CCSER1: variants seen among roughly 807,000 people sequenced by gnomAD.
The protein encoded by CCSER1 is serine-rich coiled-coil domain-containing protein 1.
A neutral mutation model predicts 82.0 loss-of-function variants in CCSER1; 41 were observed. The ratio of observed to expected loss-of-function variants is 0.50; its 90% CI spans 0.39 to 0.65. CCSER1 has a LOEUF of 0.65. CCSER1 is among the 30% of genes least tolerant of loss of function. The probability of loss-of-function intolerance (pLI) is 0.00; values close to 1 mark genes in which losing one functional copy is unlikely to be tolerated. For missense variants in CCSER1, 1,119 were observed against 1,064.2 expected (o/e 1.05, Z -0.72); for synonymous variants, 414 against 383.9 (o/e 1.08, Z -0.92).
intron 9 of CCSER1, among the ~76,000 whole-genome samples, chr4:91,014,696 A>T (rs546558220): frequency 2.6e-4 from 39 of 152,330 alleles, no homozygotes; most frequent in African/African-American, 9.4e-4. Flanking sequence ...ACATTCAAAA[A>T]TATTAATAGA....
At chr4:91,172,178 G>GT (rs573846571) in intron 10 of CCSER1, among the ~76,000 whole-genome samples, 17 of 152,228 alleles carry the variant, frequency 1.1e-4, no homozygotes, top group Non-Finnish European at 7.4e-5. Context: ...ATAAATGGGA[G>GT]TTTAGAAATC....
chr4:91,470,198 A>T (rs148558640), intron 10 of CCSER1, among the ~76,000 whole-genome samples: 251 of 152,296 alleles, frequency 1.6e-3, no homozygotes, highest in Middle Eastern at 0.01. Flanking sequence ...GTTGAATTTG[A>T]AGTGAAGTTA....
intron 6 of CCSER1, among the ~76,000 whole-genome samples, chr4:90,697,492 G>A (rs1167184865): frequency 1.3e-5 from 2 of 151,900 alleles, no homozygotes; most frequent in Admixed American, 1.3e-4. Context: ...TCTTTGTCCA[G>A]ATCCTTACTT....
chr4:90,694,868 A>T, intron 6 of CCSER1, among the ~76,000 whole-genome samples: 1 of 151,448 alleles, frequency 6.6e-6, no homozygotes, highest in Non-Finnish European at 1.5e-5. Context: ...ATTCCTAAAA[A>T]GCTGGCTATG....
intron 1 of CCSER1, among the ~76,000 whole-genome samples, chr4:90,294,192 A>G (rs1731437261): frequency 6.6e-6 from 1 of 152,034 alleles, no homozygotes. Flanking sequence ...TAAAGTATAA[A>G]TTTTACTATT....
intron 3 of CCSER1, among the ~76,000 whole-genome samples, chr4:90,338,665 AC>A: frequency 6.6e-6 from 1 of 152,332 alleles, no homozygotes; most frequent in South Asian, 2.1e-4. Flanking sequence ...TTTCGTTTAT[AC>A]AAAAAATAAT....
intron 5 of CCSER1, among the ~76,000 whole-genome samples, chr4:90,492,904 T>C (rs1768293750): frequency 6.6e-6 from 1 of 152,124 alleles, no homozygotes; most frequent in African/African-American, 2.4e-5. Flanking sequence ...AAGCTTCTAT[T>C]CTTTTACATT....
intron 5 of CCSER1, among the ~76,000 whole-genome samples, chr4:90,511,186 A>G (rs1407165312): frequency 1.3e-5 from 2 of 152,082 alleles, no homozygotes. Flanking sequence ...TTGGGAGGCC[A>G]CGGCAAGCAG....
intron 9 of CCSER1, among the ~76,000 whole-genome samples, chr4:90,976,805 C>T (rs1735652159): frequency 6.6e-6 from 1 of 151,300 alleles, no homozygotes; most frequent in Non-Finnish European, 1.5e-5. Flanking sequence ...TTATTTTATC[C>T]ATAATATTTT....
chr4:90,830,984 C>A (rs1201701580), intron 8 of CCSER1, among the ~76,000 whole-genome samples: 1 of 151,980 alleles, frequency 6.6e-6, no homozygotes, highest in Non-Finnish European at 1.5e-5. Context: ...GCCTGTATTC[C>A]ACTTACTGTT....
intron 3 of CCSER1, among the ~76,000 whole-genome samples, chr4:90,373,528 C>T (rs1191050915): frequency 6.6e-6 from 1 of 152,166 alleles, no homozygotes; most frequent in Non-Finnish European, 1.5e-5. Flanking sequence ...AAACAATACT[C>T]TTCTATCAGA....
At chr4:90,217,559 T>C (rs1301085880) in intron 1 of CCSER1, among the ~76,000 whole-genome samples, 2 of 152,162 alleles carry the variant, frequency 1.3e-5, no homozygotes, top group Non-Finnish European at 2.9e-5. Flanking sequence ...GCTGACTTCT[T>C]CTTCTCCTAT....
chr4:91,346,336 T>G (rs1317021121), intron 10 of CCSER1, among the ~76,000 whole-genome samples: 2 of 152,134 alleles, frequency 1.3e-5, no homozygotes, highest in Non-Finnish European at 2.9e-5. Context: ...TATCATTGGA[T>G]GTATTATATT....
At chr4:90,464,720 T>A (rs1248027564) in intron 4 of CCSER1, among the ~76,000 whole-genome samples, 2 of 152,212 alleles carry the variant, frequency 1.3e-5, no homozygotes, top group Non-Finnish European at 2.9e-5. Flanking sequence ...GTATTATTGA[T>A]TTTTCAACCC....
chr4:90,670,305 A>G (rs1220327245), intron 6 of CCSER1, among the ~76,000 whole-genome samples: 7 of 152,100 alleles, frequency 4.6e-5, no homozygotes, highest in Non-Finnish European at 8.8e-5. Context: ...TCAGTTGCCC[A>G]TATTTATTGA....
intron 10 of CCSER1, among the ~76,000 whole-genome samples, chr4:91,358,610 C>T (rs1452110090): frequency 1.3e-5 from 2 of 152,112 alleles, no homozygotes; most frequent in Non-Finnish European, 2.9e-5. Context: ...AACAAGAGTG[C>T]CAATGCAGGC....
chr4:91,553,572 ATT>A (rs35414901), intron 10 of CCSER1, among the ~76,000 whole-genome samples: 10,608 of 149,816 alleles, frequency 0.071, 652 homozygotes, highest in South Asian at 0.16. Flanking sequence ...ACTTACGGGA[ATT>A]TTTTTTTTGT....
At chr4:90,774,680 G>A (rs1393339054) in intron 7 of CCSER1, among the ~76,000 whole-genome samples, 1 of 151,944 alleles carries the variant, frequency 6.6e-6, no homozygotes, top group Non-Finnish European at 1.5e-5. Context: ...AGTGCTGTTA[G>A]CCATACTGTC....
At chr4:90,941,741 G>A (rs920223258) in intron 9 of CCSER1, among the ~76,000 whole-genome samples, 5 of 151,910 alleles carry the variant, frequency 3.3e-5, no homozygotes, top group African/African-American at 4.8e-5. Flanking sequence ...TTATATGCTG[G>A]CACCTTGAAA....
Sources: allele counts gnomAD v4.1 joint callset (sites outside exome capture counted in the v4.1 genomes callset), GRCh38; gene constraint gnomAD v4.1.1; transcripts MANE v1.5; gene names NCBI Gene and HGNC (gene_info 2026-07-23, HGNC 2026-07-21).